Variants in SMARCD1 observed in about 807,000 individuals in gnomAD.
SMARCD1 encodes SWI/SNF related BAF chromatin remodeling complex subunit D1.
SMARCD1 carries 16 observed loss-of-function variants against 70.8 expected under a neutral mutation model. The ratio of observed to expected loss-of-function variants is 0.23; its 90% CI spans 0.15 to 0.34. SMARCD1 has a LOEUF of 0.34. Ranked by LOEUF, SMARCD1 falls within the 10% of genes least tolerant of loss-of-function variation. The probability of loss-of-function intolerance (pLI) is 1.00; values close to 1 mark genes in which losing one functional copy is unlikely to be tolerated. For missense variants in SMARCD1, 409 were observed against 655.5 expected, an observed-to-expected ratio of 0.62 and a Z score of 4.11; for synonymous variants, 249 against 246.0, an observed-to-expected ratio of 1.01 and a Z score of -0.11.
intron 9 of SMARCD1, among the ~76,000 whole-genome samples, chr12:50,093,453 C>T (rs938938152): frequency 3.3e-5 from 5 of 151,482 alleles, no homozygotes; most frequent in South Asian, 2.1e-4. Flanking sequence ...TGTGAGCCAC[C>T]GCACCTGGCC....
Position 50,098,927 on chromosome 12 carries a change from C to T in SMARCD1, c.1495-20C>T. On this transcript the variant is annotated intron_variant, in intron 12 of 12. Transcript: ENST00000394963. ...TCTGGTTTGTCTCATCTTCCACTCC[C>T]TTCACTATTTTCTCCTTAGGTGCAG... The T allele has an allele frequency of 6.2e-7, 1 of 1,613,778 alleles. No individual in the cohort carries two copies. Among genetic ancestry groups the T allele is most frequent in the Non-Finnish European group, 8.5e-7 (1 of 1,179,666 alleles).
In SMARCD1 at chr12:50,099,541, G is replaced by C; in HGVS notation, c.*541G>C. On this transcript the variant is annotated 3_prime_UTR_variant, in exon 13 of 13. Transcript: ENST00000394963. ...GCCCTGTAGCACTACAGAAACCCTG[G>C]TTCTTGGGCTCCACTGAGCCCCAGG... The C allele has an allele frequency of 2.6e-6, 1 of 389,168 alleles. No individual in the cohort carries two copies. The allele number at this position is 389,168 out of a possible 1,614,324, so 24.1% of individuals were successfully genotyped here. A position where few individuals can be genotyped will look rare whatever the true frequency, so the allele number is the denominator to read the frequency against.
intron 11 of SMARCD1, among the ~76,000 whole-genome samples, chr12:50,097,507 G>T (rs1196733390): frequency 6.6e-6 from 1 of 151,988 alleles, no homozygotes; most frequent in Non-Finnish European, 1.5e-5. Flanking sequence ...AGCCAAGATC[G>T]TGCCGCTGCA....
rs765462175 is a variant in SMARCD1, at chr12:50,087,425, G to A, written c.594G>A (p.Glu198=). ...TCAATCCGGCTAAGTCAGATGCCGA[G>A]GATGGGGAAGGGACGGTGGCTTCCT... is the stretch of plus-strand genomic sequence containing the variant. ...NTFNPAKSDA[E]DGEGTVASWE... Residue 198 remains glutamate (E), a synonymous_variant, in exon 5 of 13, where the codon GAG becomes GAA. Transcript: ENST00000394963. The A allele has an allele frequency of 1.2e-6, 2 of 1,614,174 alleles. No homozygotes were observed. Among genetic ancestry groups the A allele is most frequent in the Non-Finnish European group, 1.7e-6 (2 of 1,179,994 alleles).
chr12:50,093,241 T>C (rs1490948020), intron 9 of SMARCD1, among the ~76,000 whole-genome samples: 1 of 151,806 alleles, frequency 6.6e-6, no homozygotes, highest in African/African-American at 2.4e-5. Flanking sequence ...CAGGCTGGAG[T>C]GCAGTGGCAT....
At chr12:50,091,869 C>T (rs112544057) in intron 9 of SMARCD1, among the ~76,000 whole-genome samples, 4,913 of 152,256 alleles carry the variant, frequency 0.032, 273 homozygotes, top group African/African-American at 0.11. Flanking sequence ...TGAGCCACTG[C>T]GCCCGGCTGA....
chr12:50,088,308 T>C (rs1950810333), intron 5 of SMARCD1: 2 of 703,450 alleles, frequency 2.8e-6, no homozygotes, highest in East Asian at 5.4e-5. Flanking sequence ...AGTGACCCTC[T>C]ATGTGTTCTA....
chr12:50,090,364 G>C lies in SMARCD1; in HGVS notation c.997G>C (p.Glu333Gln). The change falls in exon 8 of 13, where the codon GAG becomes CAG. Residue 333 changes from glutamate to glutamine, a missense_variant. This residue lies in a region of SMARCD1 where 269 missense variants were observed against 498.6 expected (regional missense o/e 0.54). Coordinates refer to ENST00000394963, the MANE Select transcript of SMARCD1 (RefSeq NM_003076.5). ...GACACATAAGCTCCAGGACCCTCAC[G>C]AGCGGGAGTTTGTCATCTGTGACAA... Reference protein sequence around the residue: ...IKTHKLQDPHEREFVICDKYL... With the variant: ...IKTHKLQDPHQREFVICDKYL... 3.1e-6 allele frequency: 5 copies of C among 1,614,072 alleles called. No homozygotes were observed. The highest frequency in any genetic ancestry group is 4.2e-6 in the Non-Finnish European group (5 of 1,180,012).
rs1950832399 is a variant in SMARCD1, at chr12:50,090,554, T to C, written c.1097T>C (p.Met366Thr). Residue 366 changes from methionine (M) to threonine (T), a missense_variant, in exon 9 of 13, where the codon ATG becomes ACG. By Grantham distance (81) the Met-to-Thr change is moderately conservative (BLOSUM62 -1). Coordinates refer to ENST00000394963, the MANE Select transcript of SMARCD1 (RefSeq NM_003076.5). The stretch of plus-strand genomic sequence containing the variant: ...CCTCAGCGGCTCCATGCCTTGCTTA[T>C]GCCACCAGAACCTATCATCATTAAT... ...EIPQRLHALLMPPEPIIINHV... is the reference protein window; with the variant it reads ...EIPQRLHALLTPPEPIIINHV... 1.1e-5 allele frequency: 18 copies of C among 1,614,090 alleles called. No homozygotes were observed. Among genetic ancestry groups the C allele is most frequent in the Non-Finnish European group, 1.4e-5 (17 of 1,179,934 alleles).
Position 50,088,589 on chromosome 12 carries a change from G to A in SMARCD1, c.723G>A (p.Val241=), listed in dbSNP as rs767086548. 6.8e-6 allele frequency: 11 copies of A among 1,611,682 alleles called. No individual in the cohort carries two copies. The African/African-American group carries it at 1.3e-4, about 20-fold the overall frequency. The change falls in exon 6 of 13, where the codon GTG becomes GTA. Residue 241 remains valine, a synonymous_variant. Transcript: ENST00000394963. The part of the protein sequence containing the change: ...RKFSSFFKSL[V]IELDKDLYGP... ...TCTCTTCCTTTTTTAAGTCCTTGGTGATTGAACTGGACAAAGACCTGTATG... is the reference window on the plus strand; with the variant it reads ...TCTCTTCCTTTTTTAAGTCCTTGGTAATTGAACTGGACAAAGACCTGTATG...
chr12:50,088,800 T>C (rs1592288178), intron 6 of SMARCD1, 163 bp downstream of exon 6: 1 of 418,324 alleles, frequency 2.4e-6, no homozygotes, highest in East Asian at 3.6e-5. Context: ...TAGGTGGCAC[T>C]AGCATGTTTA....
chr12:50,087,249 C>G, intron 4 of SMARCD1, 114 bp from the exon 5 acceptor site: 1 of 1,261,278 alleles, frequency 7.9e-7, no homozygotes, highest in Non-Finnish European at 1.1e-6. Context: ...ACCCAAGGGA[C>G]TGGGTAGACA....
At chr12:50,091,574 C>G (rs1198466873) in intron 9 of SMARCD1, among the ~76,000 whole-genome samples, 1 of 148,320 alleles carries the variant, frequency 6.7e-6, no homozygotes, top group Non-Finnish European at 1.5e-5. Context: ...CGCGCCCGGC[C>G]TTTTGTTTTG....
intron 9 of SMARCD1, among the ~76,000 whole-genome samples, chr12:50,093,298 C>T (rs561987166): frequency 2.6e-5 from 4 of 151,608 alleles, no homozygotes; most frequent in East Asian, 2.0e-4. Flanking sequence ...AAGCAATTCT[C>T]GTGCCTCAGC....
intron 5 of SMARCD1, chr12:50,088,157 C>T (rs1592287623): frequency 1.5e-6 from 1 of 673,166 alleles, no homozygotes; most frequent in South Asian, 1.6e-5. Context: ...CCAAATAAAG[C>T]TGTTTTTGTT....
rs777367839 is a variant in SMARCD1, at chr12:50,096,893, G to A, written c.1313G>A (p.Arg438Gln). The change falls in exon 11 of 13, where the codon CGG becomes CAG. Residue 438 changes from arginine to glutamine, a missense_variant. This residue lies in a region of SMARCD1 where 269 missense variants were observed against 498.6 expected (regional missense o/e 0.54). Coordinates refer to ENST00000394963, the MANE Select transcript of SMARCD1 (RefSeq NM_003076.5). ...IETINQLKTQ[R>Q]EFMLSFARDP... is the part of the protein sequence containing the mutation. The stretch of plus-strand genomic sequence containing the variant: ...ACCATCAACCAGCTGAAGACTCAGC[G>A]GGAGTTCATGCTGAGCTTTGCCAGA... 1.9e-6 allele frequency: 3 copies of A among 1,612,918 alleles called. No homozygotes were observed. Among genetic ancestry groups the A allele is most frequent in the Non-Finnish European group, 2.5e-6 (3 of 1,179,020 alleles).
rs201326977 is a variant in SMARCD1 at position 50,086,318 on chromosome 12, A to G, written c.335A>G (p.Gln112Arg). 12 of 1,572,640 alleles carry G rather than the reference A, an allele frequency of 7.6e-6. No individual in the cohort carries two copies. Among genetic ancestry groups the G allele is most frequent in the Middle Eastern group, 1.7e-4 (1 of 5,890 alleles). The change falls in exon 2 of 13, where the codon CAG becomes CGG. Residue 112 changes from glutamine (Q) to arginine (R), a missense_variant. This residue lies in a region of SMARCD1 where 140 missense variants were observed against 156.9 expected (regional missense o/e 0.89). Transcript: ENST00000394963. ...RPAPQQIQQV[Q>R]QQAVQNRNHN... ...GCCCCTCAGCAGATCCAGCAGGTCC[A>G]GCAGCAGGCGGTCCAAAATCGAAAC...
chr12:50,096,712 G>A, intron 10 of SMARCD1, 138 bp from the exon 11 acceptor site: 3 of 691,960 alleles, frequency 4.3e-6, no homozygotes, highest in Non-Finnish European at 7.2e-6. Flanking sequence ...AGCAGTTGGA[G>A]CTCTATATGA....
intron 1 of SMARCD1, chr12:50,085,941 A>G (rs1950784517): frequency 9.7e-6 from 4 of 413,204 alleles, no homozygotes; most frequent in Non-Finnish European, 1.7e-5. Flanking sequence ...GTCCCATCCA[A>G]AATAGACTGA....
Sources: allele counts gnomAD v4.1 joint callset (sites outside exome capture counted in the v4.1 genomes callset), GRCh38; gene constraint gnomAD v4.1.1; regional missense constraint gnomAD v4.1.1; transcripts MANE v1.5; gene names NCBI Gene and HGNC (gene_info 2026-07-23, HGNC 2026-07-21).